The following NBEA variants were observed in gnomAD, a reference collection of about 807,000 sequenced individuals.
The protein encoded by NBEA is lysosomal-trafficking regulator 2.
In NBEA, 44 loss-of-function variants were observed where a neutral mutation model predicts 343.4. The observed-to-expected ratio is 0.13, with a 90% CI of 0.10 to 0.16. The LOEUF (loss-of-function observed/expected upper bound fraction) is 0.16. Among genes scored for constraint, NBEA ranks in the 10% least tolerant of loss-of-function variants. The pLI is 1.00. For synonymous variants in NBEA, 1,175 were observed against 1,238.7 expected, an observed-to-expected ratio of 0.95 and a Z score of 1.08; for missense variants, 2,555 against 3,631.3, an observed-to-expected ratio of 0.70 and a Z score of 7.62.
chr13:35,580,238 A>C (rs2080955399), intron 45 of NBEA, among the ~76,000 whole-genome samples: 1 of 152,150 alleles, frequency 6.6e-6, no homozygotes, highest in South Asian at 2.1e-4. Flanking sequence ...CAGGCTTTAA[A>C]CTTTCAGTTA....
intron 58 of NBEA, among the ~76,000 whole-genome samples, chr13:35,670,006 A>G (rs1315749958): frequency 6.6e-6 from 1 of 152,108 alleles, no homozygotes; most frequent in Non-Finnish European, 1.5e-5. Context: ...AAAGATACTA[A>G]GTTTCTATTT....
At chr13:35,427,516 G>A (rs1283874196) in intron 38 of NBEA, among the ~76,000 whole-genome samples, 5 of 151,912 alleles carry the variant, frequency 3.3e-5, no homozygotes, top group African/African-American at 7.3e-5. Flanking sequence ...AGGAGTACCC[G>A]GCCGTGTGAG....
At chr13:34,979,439 G>T (rs527692781) in intron 1 of NBEA, among the ~76,000 whole-genome samples, 1 of 151,918 alleles carries the variant, frequency 6.6e-6, no homozygotes, top group African/African-American at 2.4e-5. Flanking sequence ...AGAATCACTC[G>T]AACCTAGGAG....
At chr13:35,548,108 G>C (rs2153010928) in intron 41 of NBEA, among the ~76,000 whole-genome samples, 1 of 152,252 alleles carries the variant, frequency 6.6e-6, no homozygotes, top group East Asian at 1.9e-4. Flanking sequence ...CTCCTGTGTG[G>C]TCTCTTCAGT....
intron 38 of NBEA, among the ~76,000 whole-genome samples, chr13:35,381,189 AC>A (rs1386976812): frequency 6.6e-6 from 1 of 152,142 alleles, no homozygotes; most frequent in Admixed American, 6.5e-5. Context: ...TGTTTTTGGT[AC>A]CTAAGTAGTA....
chr13:35,454,612 T>G (rs1482474407), intron 40 of NBEA, among the ~76,000 whole-genome samples: 1 of 151,982 alleles, frequency 6.6e-6, no homozygotes, highest in East Asian at 1.9e-4. Context: ...TGTAATCCCA[T>G]CACTTTGGGA....
At chr13:35,532,990 T>C (rs1413667433) in intron 41 of NBEA, among the ~76,000 whole-genome samples, 2 of 152,056 alleles carry the variant, frequency 1.3e-5, no homozygotes, top group Admixed American at 1.3e-4. Flanking sequence ...TTTCTAGGAG[T>C]ATATTCACAG....
intron 38 of NBEA, among the ~76,000 whole-genome samples, chr13:35,365,349 A>G (rs945601612): frequency 6.6e-6 from 1 of 151,652 alleles, no homozygotes; most frequent in Non-Finnish European, 1.5e-5. Flanking sequence ...AATAAAAATT[A>G]GTTTTTGGAT....
chr13:35,478,110 A>T (rs967360168), intron 41 of NBEA, among the ~76,000 whole-genome samples: 3 of 152,186 alleles, frequency 2.0e-5, no homozygotes, highest in Non-Finnish European at 4.4e-5. Flanking sequence ...TTAACAAGAT[A>T]TTCTTCAGGG....
intron 34 of NBEA, among the ~76,000 whole-genome samples, chr13:35,274,095 T>A (rs986058754): frequency 6.6e-6 from 1 of 152,072 alleles, no homozygotes; most frequent in African/African-American, 2.4e-5. Context: ...CTGATGAACA[T>A]CAACGCAAAA....
chr13:34,943,883 G>T (rs2059109183), intron 1 of NBEA, among the ~76,000 whole-genome samples: 1 of 152,172 alleles, frequency 6.6e-6, no homozygotes, highest in African/African-American at 2.4e-5. Flanking sequence ...CTAGGTTTTG[G>T]TTCCTTTCAT....
At chr13:35,128,626 G>A (rs530237278) in intron 17 of NBEA, among the ~76,000 whole-genome samples, 1 of 152,158 alleles carries the variant, frequency 6.6e-6, no homozygotes, top group East Asian at 1.9e-4. Flanking sequence ...GACACTACCT[G>A]CAGGGATCTC....
chr13:35,394,552 T>C (rs1244352200), intron 38 of NBEA, among the ~76,000 whole-genome samples: 1 of 152,194 alleles, frequency 6.6e-6, no homozygotes, highest in African/African-American at 2.4e-5. Flanking sequence ...TAAATGTATT[T>C]TTCTTGCTAC....
At chr13:35,354,336 C>T (rs1305878039) in intron 38 of NBEA, among the ~76,000 whole-genome samples, 3 of 152,068 alleles carry the variant, frequency 2.0e-5, no homozygotes, top group Non-Finnish European at 2.9e-5. Context: ...TTGCTAGTAA[C>T]GCAGCTGGTA....
chr13:35,202,639 A>G (rs923571780), intron 31 of NBEA, among the ~76,000 whole-genome samples: 11 of 151,610 alleles, frequency 7.3e-5, no homozygotes, highest in African/African-American at 2.7e-4. Context: ...GTCCCTTTGC[A>G]TTCACTTCTT....
chr13:35,373,499 G>A (rs1240472435), intron 38 of NBEA, among the ~76,000 whole-genome samples: 1 of 152,002 alleles, frequency 6.6e-6, no homozygotes, highest in African/African-American at 2.4e-5. Flanking sequence ...GAGTCCAGGA[G>A]TTTGAGACCA....
At chr13:35,502,911 T>A (rs1207066464) in intron 41 of NBEA, among the ~76,000 whole-genome samples, 1 of 152,274 alleles carries the variant, frequency 6.6e-6, no homozygotes, top group Middle Eastern at 3.4e-3. Context: ...TTTTTATTAA[T>A]TAAGTTTTAT....
intron 30 of NBEA, among the ~76,000 whole-genome samples, chr13:35,187,421 AT>A (rs2071799239): frequency 6.6e-6 from 1 of 151,278 alleles, no homozygotes; most frequent in Non-Finnish European, 1.5e-5. Flanking sequence ...AATAACACTA[AT>A]ATATAATACA....
intron 1 of NBEA, among the ~76,000 whole-genome samples, chr13:34,986,799 G>A (rs1208515440): frequency 6.7e-6 from 1 of 149,550 alleles, no homozygotes; most frequent in Non-Finnish European, 1.5e-5. Flanking sequence ...ATGGCCATTG[G>A]TTTAATGTCT....
Sources: gnomAD v4.1 joint callset for allele counts (sites outside exome capture counted in the v4.1 genomes callset) on GRCh38, gnomAD v4.1.1 for gene constraint, MANE v1.5 for transcripts, NCBI Gene and HGNC (gene_info 2026-07-23, HGNC 2026-07-21) for gene names.